ZNF428: variants seen among roughly 807,000 people sequenced by gnomAD.
The protein encoded by ZNF428 is enzyme-like protein PIT13.
ZNF428 carries 5 observed loss-of-function variants against 15.6 expected under a neutral mutation model. The observed-to-expected ratio is 0.32, with a 90% confidence interval of 0.17 to 0.67. The LOEUF (loss-of-function observed/expected upper bound fraction) is 0.67. Ranked by LOEUF, ZNF428 falls within the 30% of genes least tolerant of loss-of-function variation. The probability of loss-of-function intolerance (pLI) is 0.73; values close to 1 mark genes in which losing one functional copy is unlikely to be tolerated. For synonymous variants in ZNF428, 97 were observed against 102.2 expected (o/e 0.95, Z 0.31); for missense variants, 237 against 256.0 (o/e 0.93, Z 0.51).
chr19:43,610,113 C>G (rs1311553510), intron 2 of ZNF428, among the ~76,000 whole-genome samples: 1 of 152,004 alleles, frequency 6.6e-6, no homozygotes, highest in Non-Finnish European at 1.5e-5. Flanking sequence ...ATGTCACTCT[C>G]CATTCCATGT....
chr19:43,618,025 CTTTTTTTTTTTT>C (rs35170127), intron 1 of ZNF428, among the ~76,000 whole-genome samples: 1 of 55,328 alleles, frequency 1.8e-5, no homozygotes, highest in Non-Finnish European at 3.0e-5. Context: ...CCATGCCCGG[CTTTTTTTTTTTT>C]TTTTTTTTTT....
rs1005616382 is a variant in ZNF428 at position 43,612,554 on chromosome 19, A to T, written c.76+1675T>A. ...CAGCAGGGCCAGCACTCCTGGCAGG[A>T]TAAGAACTCATGGTGCCAGACCAGG... is the stretch of plus-strand genomic sequence containing the variant. On this transcript the variant is annotated intron_variant, in intron 2 of 2. Transcript: ENST00000300811. The surrounding 1 kb of genome is among the most constrained non-coding windows in gnomAD (Gnocchi z 4.2). 1 of 1,551,640 alleles carries T rather than the reference A, an allele frequency of 6.4e-7. No individual in the cohort carries two copies.
Position 43,614,427 on chromosome 19 carries a change from G to A in ZNF428, c.-123C>T. 5.5e-6 allele frequency: 8 copies of A among 1,457,942 alleles called. No individual in the cohort carries two copies. The highest frequency in any genetic ancestry group is 7.2e-6 in the Non-Finnish European group (8 of 1,109,058). 90.3% of individuals were successfully genotyped at this position (1,457,942 alleles called of 1,614,324 possible). A position where few individuals can be genotyped will look rare whatever the true frequency, so the allele number is the denominator to read the frequency against. Reference sequence around the variant, plus strand: ...CTAATACAGGATGTTGGCAGGTAGAGAGGGATGCTGGATAGGGGGAAAGGA... The same window carrying A: ...CTAATACAGGATGTTGGCAGGTAGAAAGGGATGCTGGATAGGGGGAAAGGA... On this transcript the variant is annotated 5_prime_UTR_variant, in exon 2 of 3. Coordinates refer to ENST00000300811, the MANE Select transcript of ZNF428 (RefSeq NM_182498.4).
At chr19:43,608,199 GC>G in intron 2 of ZNF428, 92 bp from the exon 3 acceptor site, 1 of 1,507,648 alleles carries the variant, frequency 6.6e-7, no homozygotes, top group East Asian at 2.3e-5. Flanking sequence ...ATTCAGACTT[GC>G]CATAGTATGA....
At chr19:43,613,856 A>G (rs1973340572) in intron 2 of ZNF428, 2 of 1,551,366 alleles carry the variant, frequency 1.3e-6, no homozygotes, top group Non-Finnish European at 1.7e-6. Context: ...CAGCAAGGAG[A>G]GAGAGCGCAG....
At chr19:43,610,342 G>C (rs1018920936) in intron 2 of ZNF428, among the ~76,000 whole-genome samples, 1 of 151,956 alleles carries the variant, frequency 6.6e-6, no homozygotes, top group Non-Finnish European at 1.5e-5. Flanking sequence ...TGGGATTACA[G>C]GGGCGCACCA....
At chr19:43,614,084 T>G (rs1600088363) in intron 2 of ZNF428, 145 bp downstream of exon 2, 1 of 1,565,472 alleles carries the variant, frequency 6.4e-7, no homozygotes, top group Admixed American at 1.9e-5. Context: ...CTGGAAGAGA[T>G]CCCCTACTAG....
At chr19:43,617,116 TG>T (rs1973379391) in intron 1 of ZNF428, among the ~76,000 whole-genome samples, 2 of 152,036 alleles carry the variant, frequency 1.3e-5, no homozygotes, top group Admixed American at 6.6e-5. Context: ...CTTTTTGGCC[TG>T]GAGAACTCCT....
At chr19:43,613,559 A>T (rs947761213) in intron 2 of ZNF428, 1 of 1,551,320 alleles carries the variant, frequency 6.4e-7, no homozygotes, top group Non-Finnish European at 8.7e-7. Flanking sequence ...TAGAAGCCCC[A>T]GCAAGGAAAG....
chr19:43,612,427 A>G lies in ZNF428; in HGVS notation c.76+1802T>C, dbSNP rs2146117248. 1.9e-6 allele frequency: 3 copies of G among 1,551,060 alleles called. No individual in the cohort carries two copies. Among genetic ancestry groups the G allele is most frequent in the Non-Finnish European group, 2.6e-6 (3 of 1,146,802 alleles). ...TGAGCACCGACACCAGGACCAGCAA[A>G]GCCAGCAAGGCCAGCGACGTGAGAT... On this transcript the variant is annotated intron_variant, in intron 2 of 2. Coordinates refer to ENST00000300811, the MANE Select transcript of ZNF428 (RefSeq NM_182498.4). The surrounding 1 kb of genome is among the most constrained non-coding windows in gnomAD (Gnocchi z 4.2).
In ZNF428 at chr19:43,612,420, C is replaced by A. The variant is rs1435887857; in HGVS notation, c.76+1809G>T. ...AGCAGGGTGAGCACCGACACCAGGA[C>A]CAGCAAAGCCAGCAAGGCCAGCGAC... is the stretch of plus-strand genomic sequence containing the variant. On this transcript the variant is annotated intron_variant, in intron 2 of 2. Coordinates refer to ENST00000300811, the MANE Select transcript of ZNF428 (RefSeq NM_182498.4). This position sits in a 1 kb window ranked among gnomAD's most constrained non-coding sequence, Gnocchi z 4.2. 7 of 1,550,786 alleles carry A rather than the reference C, an allele frequency of 4.5e-6. No individual in the cohort carries two copies. Among genetic ancestry groups the A allele is most frequent in the African/African-American group, 2.7e-5 (2 of 73,006 alleles).
chr19:43,608,137 G>A, intron 2 of ZNF428, 30 bp from the exon 3 acceptor site: 2 of 1,586,794 alleles, frequency 1.3e-6, no homozygotes, highest in South Asian at 2.3e-5. Context: ...GGAAGACAGT[G>A]GTATCAGAGG....
intron 1 of ZNF428, among the ~76,000 whole-genome samples, chr19:43,617,848 CTTAT>C (rs970208623): frequency 3.8e-4 from 57 of 151,650 alleles, no homozygotes; most frequent in African/African-American, 4.1e-4. Flanking sequence ...ACACCTGGCC[CTTAT>C]TTATTTATTT....
chr19:43,612,891 A>T lies in ZNF428; in HGVS notation c.76+1338T>A. The stretch of plus-strand genomic sequence containing the variant: ...ATCATCCCCAGTAGGGAAAAGAGTT[A>T]CAGCCCCACTGAAATGTCCAGCAGG... On this transcript the variant is annotated intron_variant, in intron 2 of 2. Coordinates refer to ENST00000300811, the MANE Select transcript of ZNF428 (RefSeq NM_182498.4). This position sits in a 1 kb window ranked among gnomAD's most constrained non-coding sequence, Gnocchi z 4.2. The T allele has an allele frequency of 6.4e-7, 1 of 1,551,712 alleles. No homozygotes were observed. Among genetic ancestry groups the T allele is most frequent in the Non-Finnish European group, 8.7e-7 (1 of 1,146,986 alleles).
chr19:43,614,371 C>G lies in ZNF428; in HGVS notation c.-67G>C, dbSNP rs1600088672. On this transcript the variant is annotated 5_prime_UTR_variant, in exon 2 of 3. Coordinates refer to ENST00000300811, the MANE Select transcript of ZNF428 (RefSeq NM_182498.4). ...GAGCAGCGTCCCTCCCCGGCCAGCTCTCCACAGCCACACCTCCGGCCACAA... is the reference window on the plus strand; with the variant it reads ...GAGCAGCGTCCCTCCCCGGCCAGCTGTCCACAGCCACACCTCCGGCCACAA... The G allele has an allele frequency of 2.0e-6, 3 of 1,528,674 alleles. No homozygotes were observed. The East Asian group carries it at 6.8e-5, about 35-fold the overall frequency. 94.7% of individuals were successfully genotyped at this position (1,528,674 alleles called of 1,614,324 possible). A position where few individuals can be genotyped will look rare whatever the true frequency, so the allele number is the denominator to read the frequency against.
chr19:43,609,686 G>A (rs1024003931), intron 2 of ZNF428, among the ~76,000 whole-genome samples: 10 of 151,476 alleles, frequency 6.6e-5, no homozygotes, highest in African/African-American at 2.4e-4. Context: ...AGGTTGCGAT[G>A]AGCCAATATT....
At chr19:43,618,757 T>C (rs1038428359) in intron 1 of ZNF428, among the ~76,000 whole-genome samples, 10 of 152,110 alleles carry the variant, frequency 6.6e-5, no homozygotes, top group African/African-American at 2.2e-4. Flanking sequence ...TAAAAGGTTG[T>C]ATCTTTTGGA....
chr19:43,613,772 C>A (rs1973338304), intron 2 of ZNF428: 1 of 1,549,996 alleles, frequency 6.5e-7, no homozygotes, highest in Non-Finnish European at 8.7e-7. Flanking sequence ...ATCTAGAAGC[C>A]CCAGCGAGGA....
Position 43,612,905 on chromosome 19 carries a change from A to G in ZNF428, c.76+1324T>C. ...GGAAAAGAGTTACAGCCCCACTGAA[A>G]TGTCCAGCAGGGTCAAGAGTTATAA... On this transcript the variant is annotated intron_variant, in intron 2 of 2. Transcript: ENST00000300811. This position sits in a 1 kb window ranked among gnomAD's most constrained non-coding sequence, Gnocchi z 4.2. 2 of 1,551,718 alleles carry G rather than the reference A, an allele frequency of 1.3e-6. No homozygotes were observed. The highest frequency in any genetic ancestry group is 8.7e-7 in the Non-Finnish European group (1 of 1,146,984).
Sources: allele counts gnomAD v4.1 joint callset (sites outside exome capture counted in the v4.1 genomes callset), GRCh38; gene constraint gnomAD v4.1.1; non-coding constraint Gnocchi (gnomAD v3.1); transcripts MANE v1.5; gene names NCBI Gene and HGNC (gene_info 2026-07-23, HGNC 2026-07-21).